Variants in SOX5 observed in about 807,000 individuals in gnomAD.
The protein encoded by SOX5 is SRY-box transcription factor 5.
Under a neutral mutation model 92.0 loss-of-function variants are expected in SOX5, and 9 were observed. The observed-to-expected ratio is 0.10, with a 90% CI of 0.06 to 0.17. SOX5 has a LOEUF of 0.17. Ranked by LOEUF, SOX5 falls within the 10% of genes least tolerant of loss-of-function variation. The probability of loss-of-function intolerance (pLI) is 1.00; values close to 1 mark genes in which losing one functional copy is unlikely to be tolerated. For missense variants in SOX5, 642 were observed against 944.5 expected (o/e 0.68, Z 4.20); for synonymous variants, 344 against 336.3 (o/e 1.02, Z -0.25).
rs942261210 is a variant in SOX5 at position 24,069,766 on chromosome 12, C to T, written c.-2+143577G>A. 3.3e-5 allele frequency among the ~76,000 whole-genome samples: 5 copies of T among 152,172 alleles called. No homozygotes were observed. In the East Asian group the frequency reaches 5.8e-4, roughly 18 times the overall value. Reference sequence around the variant, plus strand: ...CAATGTGCTTCAAGATTTCATAACACGAGAGACATAGGAGCAAAAGTTAAA... The same window carrying T: ...CAATGTGCTTCAAGATTTCATAACATGAGAGACATAGGAGCAAAAGTTAAA... On this transcript the variant is annotated intron_variant, in intron 4 of 4. Transcript: ENST00000446891.
chr12:24,019,941 G>A (rs547827312), intron 4 of SOX5, among the ~76,000 whole-genome samples: 2 of 152,294 alleles, frequency 1.3e-5, no homozygotes, highest in East Asian at 3.9e-4. Flanking sequence ...AACCTCACGT[G>A]GATGTATCCT....
chr12:24,163,787 G>C (rs1953058242), intron 4 of SOX5, among the ~76,000 whole-genome samples: 1 of 151,838 alleles, frequency 6.6e-6, no homozygotes, highest in Admixed American at 6.6e-5. Context: ...GCTTTAAAAA[G>C]TATATGTATG....
At chr12:23,914,432 A>C (rs971882988) in intron 1 of SOX5, among the ~76,000 whole-genome samples, 1 of 152,202 alleles carries the variant, frequency 6.6e-6, no homozygotes, top group Non-Finnish European at 1.5e-5. Context: ...AGTAACTTCA[A>C]ACCAATTTAG....
chr12:24,386,498 C>T (rs181041216), intron 1 of SOX5, among the ~76,000 whole-genome samples: 1 of 152,172 alleles, frequency 6.6e-6, no homozygotes, highest in Admixed American at 6.5e-5. Flanking sequence ...ATGAAAACAT[C>T]TTATAAATAG....
chr12:24,398,041 G>A (rs879721107), intron 1 of SOX5, among the ~76,000 whole-genome samples: 8 of 151,854 alleles, frequency 5.3e-5, no homozygotes, highest in Admixed American at 3.3e-4. Context: ...TAGTAGAGAC[G>A]GGGTTTCACC....
chr12:23,740,844 C>T, intron 5 of SOX5, 23 bp downstream of exon 5: 3 of 1,592,846 alleles, frequency 1.9e-6, no homozygotes, highest in Non-Finnish European at 2.6e-6. Flanking sequence ...AGGAATATGA[C>T]TGCATCGCTA....
chr12:23,638,864 G>T (rs1000318131), intron 8 of SOX5, among the ~76,000 whole-genome samples: 1 of 145,010 alleles, frequency 6.9e-6, no homozygotes, highest in Non-Finnish European at 1.5e-5. Context: ...TGTTTGTTCT[G>T]AATAACGGTT....
intron 3 of SOX5, among the ~76,000 whole-genome samples, chr12:23,760,165 G>T (rs2094524005): frequency 6.6e-6 from 1 of 152,036 alleles, no homozygotes; most frequent in Non-Finnish European, 1.5e-5. Context: ...ATCATTATTT[G>T]CATAGCATTT....
chr12:23,953,489 A>G (rs1945917269), upstream of SOX5, among the ~76,000 whole-genome samples: 1 of 152,082 alleles, frequency 6.6e-6, no homozygotes, highest in South Asian at 2.1e-4. Context: ...ATCTGGGTTG[A>G]GACATACTTT....
intron 2 of SOX5, among the ~76,000 whole-genome samples, chr12:23,864,267 C>T (rs2096788100): frequency 6.6e-6 from 1 of 152,142 alleles, no homozygotes; most frequent in Non-Finnish European, 1.5e-5. Context: ...TCCCATCTCT[C>T]TCCCTCTACT....
chr12:24,452,251 T>C (rs1377678923), intron 1 of SOX5, among the ~76,000 whole-genome samples: 1 of 152,222 alleles, frequency 6.6e-6, no homozygotes, highest in Non-Finnish European at 1.5e-5. Context: ...ATATTTGACA[T>C]ACATCTCTTC....
chr12:23,851,698 G>A (rs2096635656), intron 2 of SOX5, among the ~76,000 whole-genome samples: 1 of 151,916 alleles, frequency 6.6e-6, no homozygotes, highest in South Asian at 2.1e-4. Flanking sequence ...AGGTACTTTT[G>A]TTTGGGCTAT....
chr12:24,284,578 C>G (rs1020162899), intron 2 of SOX5, among the ~76,000 whole-genome samples: 18 of 152,292 alleles, frequency 1.2e-4, no homozygotes, highest in Non-Finnish European at 2.9e-5. Context: ...TATGAACCTT[C>G]TGCTATTTGA....
intron 2 of SOX5, among the ~76,000 whole-genome samples, chr12:24,329,996 A>G (rs1951115761): frequency 6.6e-6 from 1 of 152,150 alleles, no homozygotes; most frequent in Non-Finnish European, 1.5e-5. Flanking sequence ...GCCCTCCAGC[A>G]TGGGCAACAG....
chr12:24,135,017 C>A (rs959016311), intron 4 of SOX5, among the ~76,000 whole-genome samples: 8 of 152,142 alleles, frequency 5.3e-5, no homozygotes, highest in Non-Finnish European at 8.8e-5. Flanking sequence ...AAGACAGACA[C>A]AGAAAAAGCC....
At chr12:23,562,758 T>C (rs1946435558) in intron 11 of SOX5, among the ~76,000 whole-genome samples, 1 of 152,216 alleles carries the variant, frequency 6.6e-6, no homozygotes, top group African/African-American at 2.4e-5. Flanking sequence ...CATTTTGTTT[T>C]ATGATAAAGT....
intron 1 of SOX5, among the ~76,000 whole-genome samples, chr12:24,415,835 G>A (rs1964927016): frequency 6.6e-6 from 1 of 152,190 alleles, no homozygotes; most frequent in Non-Finnish European, 1.5e-5. Context: ...TAAAGAAGCT[G>A]TGATCTAACT....
At chr12:24,088,054 T>C (rs1242704895) in intron 4 of SOX5, among the ~76,000 whole-genome samples, 1 of 151,998 alleles carries the variant, frequency 6.6e-6, no homozygotes. Flanking sequence ...CCAGGAAAGC[T>C]ACAAGCAATG....
chr12:23,743,531 C>T (rs564509199), intron 4 of SOX5, among the ~76,000 whole-genome samples: 12 of 152,034 alleles, frequency 7.9e-5, no homozygotes, highest in African/African-American at 2.9e-4. Context: ...AGGCCGGTCT[C>T]GAACTCCTGT....
Sources: allele counts gnomAD v4.1 joint callset (sites outside exome capture counted in the v4.1 genomes callset), GRCh38; gene constraint gnomAD v4.1.1; transcripts MANE v1.5; gene names NCBI Gene and HGNC (gene_info 2026-07-23, HGNC 2026-07-21).